The following ATP5F1C variants were observed in gnomAD, a reference collection of about 807,000 sequenced individuals.
The protein encoded by ATP5F1C is ATP synthase F(1) complex subunit gamma, mitochondrial.
Under a neutral mutation model 37.4 loss-of-function variants are expected in ATP5F1C, and 22 were observed. The ratio of observed to expected loss-of-function variants is 0.59; its 90% confidence interval spans 0.42 to 0.84. The LOEUF (loss-of-function observed/expected upper bound fraction) is 0.84, where lower values mean the gene tolerates loss of function less well. Among genes scored for constraint, ATP5F1C ranks in the 40% least tolerant of loss-of-function variants. ATP5F1C has a pLI of 0.00. For missense variants in ATP5F1C, 286 were observed against 362.4 expected, an observed-to-expected ratio of 0.79 and a Z score of 1.71; for synonymous variants, 121 against 128.0, an observed-to-expected ratio of 0.95 and a Z score of 0.37.
chr10:7,788,180 A>G lies in ATP5F1C; in HGVS notation c.-28A>G, dbSNP rs370479576. On this transcript the variant is annotated 5_prime_UTR_variant, in exon 1 of 10. Coordinates refer to ENST00000356708, the MANE Select transcript of ATP5F1C (RefSeq NM_001001973.3). ...GCGCATGCGCGCTGAGGCCTGCCTG[A>G]CCGACCTTCAGCAGGGCTGTGGCTA... The G allele has an allele frequency of 1.2e-6, 2 of 1,612,034 alleles. No individual in the cohort carries two copies.
Position 7,797,029 on chromosome 10 carries a change from A to G in ATP5F1C, c.92-18A>G, listed in dbSNP as rs1836252066. The stretch of plus-strand genomic sequence containing the variant: ...TACTGTAATTCCTTTGTCTTAACAC[A>G]GTACTTCTATTTTTCAGTCACCAGG... On this transcript the variant is annotated intron_variant, in intron 2 of 9. Coordinates refer to ENST00000356708, the MANE Select transcript of ATP5F1C (RefSeq NM_001001973.3). 1 of 1,612,376 alleles carries G rather than the reference A, an allele frequency of 6.2e-7. No homozygotes were observed. Among genetic ancestry groups the G allele is most frequent in the East Asian group, 2.2e-5 (1 of 44,878 alleles).
At chr10:7,792,942 G>C (rs553822739) in intron 1 of ATP5F1C, among the ~76,000 whole-genome samples, 1 of 152,304 alleles carries the variant, frequency 6.6e-6, no homozygotes, top group East Asian at 1.9e-4. Flanking sequence ...CATTCTGCCA[G>C]CCATCAATGA....
At chr10:7,804,219 G>GAAAAAAAAAA in intron 8 of ATP5F1C, 1 of 517,544 alleles carries the variant, frequency 1.9e-6, no homozygotes, top group South Asian at 1.4e-5. Flanking sequence ...GCCCTTCACC[G>GAAAAAAAAAA]AAAAAATTTG....
intron 2 of ATP5F1C, 189 bp downstream of exon 2, chr10:7,796,344 G>A (rs1036437119): frequency 1.5e-5 from 7 of 469,330 alleles, no homozygotes; most frequent in Non-Finnish European, 2.7e-5. Context: ...ACCTGAGACA[G>A]CTATGTTCTG....
intron 1 of ATP5F1C, among the ~76,000 whole-genome samples, chr10:7,790,625 T>G (rs1836147700): frequency 6.6e-6 from 1 of 152,242 alleles, no homozygotes; most frequent in Non-Finnish European, 1.5e-5. Flanking sequence ...TGAGGGCAGA[T>G]ATTTACTAAT....
chr10:7,796,248 G>T (rs2131061512), intron 2 of ATP5F1C, 93 bp downstream of exon 2: 1 of 1,127,168 alleles, frequency 8.9e-7, no homozygotes, highest in Non-Finnish European at 1.2e-6. Context: ...TTAGCCCATT[G>T]TGTATTTGAT....
In ATP5F1C at chr10:7,797,130, G is replaced by T; in HGVS notation, c.175G>T (p.Ala59Ser). 1 of 1,614,152 alleles carries T rather than the reference G, an allele frequency of 6.2e-7. No homozygotes were observed. Among genetic ancestry groups the T allele is most frequent in the Non-Finnish European group, 8.5e-7 (1 of 1,180,030 alleles). The stretch of plus-strand genomic sequence containing the variant: ...GGTAGCGGCAGCAAAATATGCCCGA[G>T]CTGAGAGAGAGCTGAAACCAGCTCG... ...KMVAAAKYAR[A>S]ERELKPARIY... is the part of the protein sequence containing the mutation. Residue 59 changes from alanine (A) to serine (S), a missense_variant, in exon 3 of 10, where the codon GCT (alanine) becomes TCT (serine). Ala to Ser is a moderately conservative substitution (Grantham distance 99). Transcript: ENST00000356708.
At chr10:7,805,046 T>C (rs1375992656) in intron 8 of ATP5F1C, among the ~76,000 whole-genome samples, 1 of 152,224 alleles carries the variant, frequency 6.6e-6, no homozygotes, top group Non-Finnish European at 1.5e-5. Context: ...TTTTACTTTC[T>C]AAGCACAGCT....
At chr10:7,795,845 G>A (rs182635181) in intron 1 of ATP5F1C, among the ~76,000 whole-genome samples, 5 of 152,268 alleles carry the variant, frequency 3.3e-5, no homozygotes, top group Admixed American at 2.0e-4. Flanking sequence ...ATATGGAGGT[G>A]GGACTAGAGC....
In ATP5F1C at chr10:7,803,452, CTA is replaced by C. The variant is rs1416967002; in HGVS notation, c.890+599_890+600del. Among the ~76,000 whole-genome samples, 4 of 152,194 alleles carry C rather than the reference CTA, an allele frequency of 2.6e-5. No individual in the cohort carries two copies. In the South Asian group the frequency reaches 8.3e-4, roughly 32 times the overall value. On this transcript the variant is annotated intron_variant, in intron 8 of 9. Coordinates refer to ENST00000356708, the MANE Select transcript of ATP5F1C (RefSeq NM_001001973.3). ...TCCTCTCGTATACTTTTAATCATCT[CTA>C]GTTATAATGCTATGTAAATTGTTGT...
chr10:7,802,880 C>A, intron 8 of ATP5F1C, 26 bp downstream of exon 8: 2 of 1,596,312 alleles, frequency 1.3e-6, no homozygotes, highest in Non-Finnish European at 1.7e-6. Flanking sequence ...TTGTCGCCTT[C>A]AGAGAATTTT....
intron 1 of ATP5F1C, among the ~76,000 whole-genome samples, chr10:7,791,452 CT>C (rs1836163630): frequency 6.6e-6 from 1 of 152,144 alleles, no homozygotes; most frequent in Admixed American, 6.5e-5. Context: ...GCCAATATTG[CT>C]TGCTTTTTAA....
chr10:7,801,465 C>T lies in ATP5F1C; in HGVS notation c.638-805C>T, dbSNP rs543460542. 8 of 152,338 alleles carry T rather than the reference C, an allele frequency of 5.3e-5. No homozygotes were observed. In the Middle Eastern group the frequency reaches 0.014, roughly 259 times the overall value. The allele number at this position is 152,338 out of a possible 1,614,324, so 9.4% of individuals were successfully genotyped here. ...ACGATTCATACCAATTTCTAGTTCTCCCACTCTTTCATGTGCTTTGAAAGG... is the reference window on the plus strand; with the variant it reads ...ACGATTCATACCAATTTCTAGTTCTTCCACTCTTTCATGTGCTTTGAAAGG... On this transcript the variant is annotated intron_variant, in intron 6 of 9. Transcript: ENST00000356708.
At chr10:7,800,662 T>C (rs1210134266) in intron 6 of ATP5F1C, among the ~76,000 whole-genome samples, 1 of 151,852 alleles carries the variant, frequency 6.6e-6, no homozygotes, top group Non-Finnish European at 1.5e-5. Flanking sequence ...GCCTGGCTAA[T>C]TTTTGTATTT....
intron 8 of ATP5F1C, among the ~76,000 whole-genome samples, chr10:7,806,336 G>A (rs1232733480): frequency 1.3e-5 from 2 of 152,160 alleles, no homozygotes; most frequent in Non-Finnish European, 2.9e-5. Flanking sequence ...TAGTATTCGA[G>A]GTCCAAGTAT....
chr10:7,798,955 A>C, intron 3 of ATP5F1C, 35 bp from the exon 4 acceptor site: 14 of 1,567,698 alleles, frequency 8.9e-6, no homozygotes, highest in Non-Finnish European at 1.2e-5. Context: ...AGTGTATTGC[A>C]TATAAAAAAA....
chr10:7,792,032 A>G (rs578032815), intron 1 of ATP5F1C, among the ~76,000 whole-genome samples: 42 of 152,364 alleles, frequency 2.8e-4, no homozygotes, highest in Non-Finnish European at 5.3e-4. Flanking sequence ...GCCTAAAACA[A>G]TAATATCCAA....
rs1026812755 is a variant in ATP5F1C at position 7,788,394 on chromosome 10, G to A, written c.56+131G>A. On this transcript the variant is annotated intron_variant, in intron 1 of 9. Transcript: ENST00000356708. ...GCCTAGCTGGGCCCCTGGCCCGTCGGAGGCGCCGGGTAGCGGGGGCTGCAG... is the reference window on the plus strand; with the variant it reads ...GCCTAGCTGGGCCCCTGGCCCGTCGAAGGCGCCGGGTAGCGGGGGCTGCAG... 1.1e-5 allele frequency: 14 copies of A among 1,303,326 alleles called. No individual in the cohort carries two copies. In the African/African-American group the frequency reaches 1.9e-4, roughly 18 times the overall value. The allele number at this position is 1,303,326 out of a possible 1,614,324, so 80.7% of individuals were successfully genotyped here. A position where few individuals can be genotyped will look rare whatever the true frequency, so the allele number is the denominator to read the frequency against.
At chr10:7,800,499 A>ATT (rs1286462376) in intron 6 of ATP5F1C, among the ~76,000 whole-genome samples, 1 of 110,548 alleles carries the variant, frequency 9.0e-6, no homozygotes, top group African/African-American at 3.8e-5. Context: ...TTATTTTTTT[A>ATT]TTTTTTATTT....
Sources: gnomAD v4.1 joint callset for allele counts (sites outside exome capture counted in the v4.1 genomes callset) on GRCh38, gnomAD v4.1.1 for gene constraint, MANE v1.5 for transcripts, NCBI Gene and HGNC (gene_info 2026-07-23, HGNC 2026-07-21) for gene names.